GRK4: variants seen among roughly 807,000 people sequenced by gnomAD.
GRK4 encodes the protein G protein-coupled receptor kinase 4.
Under a neutral mutation model 77.9 loss-of-function variants are expected in GRK4, and 73 were observed. That is an observed-to-expected ratio of 0.94 (90% CI 0.78 to 1.14). The LOEUF (loss-of-function observed/expected upper bound fraction) is 1.14, where lower values mean the gene tolerates loss of function less well. GRK4 is among the 50% of genes most tolerant of loss of function. The pLI, the probability that GRK4 is intolerant of heterozygous loss-of-function variation, is 0.00. For missense variants in GRK4, 729 were observed against 700.2 expected (o/e 1.04, Z -0.46); for synonymous variants, 257 against 254.4 (o/e 1.01, Z -0.10).
intron 12 of GRK4, among the ~76,000 whole-genome samples, chr4:3,031,861 T>G (rs1007707739): frequency 6.6e-6 from 1 of 152,168 alleles, no homozygotes; most frequent in African/African-American, 2.4e-5. Context: ...CATAGGCCCC[T>G]GCCTGGGTGT....
At chr4:3,004,360 A>T in intron 5 of GRK4, 26 bp downstream of exon 5, 2 of 1,427,984 alleles carry the variant, frequency 1.4e-6, no homozygotes, top group Non-Finnish European at 2.0e-6. Flanking sequence ...TGAGCCCTGC[A>T]TATATTATCT....
chr4:3,024,430 G>A (rs910933414), intron 10 of GRK4, among the ~76,000 whole-genome samples: 2 of 152,012 alleles, frequency 1.3e-5, no homozygotes, highest in African/African-American at 2.4e-5. Context: ...ATCCAGCAGC[G>A]ATTAAGGATA....
At chr4:3,007,661 T>C (rs1471663726) in intron 5 of GRK4, 75 bp from the exon 6 acceptor site, 2 of 839,260 alleles carry the variant, frequency 2.4e-6, no homozygotes, top group Admixed American at 2.7e-5. Flanking sequence ...TCAGTGCCTA[T>C]TAATGCACTA....
At chr4:2,971,959 A>T (rs992545331) in intron 1 of GRK4, among the ~76,000 whole-genome samples, 13 of 152,146 alleles carry the variant, frequency 8.5e-5, no homozygotes, top group African/African-American at 2.9e-4. Flanking sequence ...TTTTAACTTA[A>T]TTGTCTCTAT....
At chr4:2,979,364 A>C (rs2109500703) in intron 1 of GRK4, among the ~76,000 whole-genome samples, 1 of 143,782 alleles carries the variant, frequency 7.0e-6, no homozygotes, top group East Asian at 2.0e-4. Context: ...AGATGGTGCC[A>C]CTGCACTCCA....
intron 12 of GRK4, among the ~76,000 whole-genome samples, chr4:3,033,747 C>T (rs1054074217): frequency 1.3e-5 from 2 of 152,066 alleles, no homozygotes; most frequent in East Asian, 1.9e-4. Flanking sequence ...CCACCACGTC[C>T]GGCTAATTTT....
intron 1 of GRK4, among the ~76,000 whole-genome samples, chr4:2,983,641 G>T (rs1252918336): frequency 1.3e-5 from 2 of 151,848 alleles, no homozygotes; most frequent in East Asian, 3.9e-4. Flanking sequence ...CCTTTACCCT[G>T]CTTGATTTTG....
intron 8 of GRK4, among the ~76,000 whole-genome samples, chr4:3,016,075 A>AT (rs1227444536): frequency 6.7e-6 from 1 of 149,072 alleles, no homozygotes; most frequent in African/African-American, 2.5e-5. Context: ...CACCCAGCTA[A>AT]TTTTTTGTAT....
chr4:2,998,740 G>A (rs1728699128), intron 4 of GRK4, among the ~76,000 whole-genome samples: 1 of 152,100 alleles, frequency 6.6e-6, no homozygotes, highest in Non-Finnish European at 1.5e-5. Context: ...GACATCTCCT[G>A]TTCGTGGATC....
chr4:3,013,202 C>T (rs932631485), intron 7 of GRK4, among the ~76,000 whole-genome samples: 2 of 151,658 alleles, frequency 1.3e-5, no homozygotes, highest in Non-Finnish European at 2.9e-5. Flanking sequence ...CGCCACCATG[C>T]CTAGTTAATT....
At chr4:3,036,930 T>G (rs953342884) in intron 13 of GRK4, among the ~76,000 whole-genome samples, 1 of 152,202 alleles carries the variant, frequency 6.6e-6, no homozygotes, top group African/African-American at 2.4e-5. Flanking sequence ...TTCACACTTC[T>G]CCGGTTCTGT....
In GRK4 at chr4:3,038,523, C is replaced by T. The variant is rs1741482761; in HGVS notation, c.1683+10C>T. 6.3e-7 allele frequency: 1 copy of T among 1,595,692 alleles called. No individual in the cohort carries two copies. ...ACTCTTCAGAAGAGGGGTAAAAAGACTTAAAAACTAATATATGTGTGTGTA... is the reference window on the plus strand; with the variant it reads ...ACTCTTCAGAAGAGGGGTAAAAAGATTTAAAAACTAATATATGTGTGTGTA... On this transcript the variant is annotated intron_variant, in intron 15 of 15. Transcript: ENST00000398052.
intron 10 of GRK4, 64 bp from the exon 11 acceptor site, chr4:3,027,848 T>C (rs551562752): frequency 7.3e-7 from 1 of 1,372,392 alleles, no homozygotes; most frequent in Non-Finnish European, 1.0e-6. Context: ...TTTCCCATTT[T>C]AATTGTTGTT....
At chr4:3,005,748 G>A (rs73084109) in intron 5 of GRK4, among the ~76,000 whole-genome samples, 3 of 152,124 alleles carry the variant, frequency 2.0e-5, no homozygotes, top group East Asian at 1.9e-4. Flanking sequence ...AGGCTGCAAT[G>A]AGCCTCCCCT....
intron 1 of GRK4, among the ~76,000 whole-genome samples, chr4:2,972,525 C>T (rs1014613356): frequency 4.0e-5 from 6 of 149,426 alleles, no homozygotes; most frequent in South Asian, 2.1e-4. Context: ...CCCAAACCTG[C>T]GGGGGGGGGC....
At chr4:3,013,201 G>A (rs1411929209) in intron 7 of GRK4, among the ~76,000 whole-genome samples, 2 of 151,598 alleles carry the variant, frequency 1.3e-5, no homozygotes, top group African/African-American at 2.4e-5. Flanking sequence ...CCGCCACCAT[G>A]CCTAGTTAAT....
At chr4:2,988,639 A>G (rs560937829) in intron 2 of GRK4, 88 bp from the exon 3 acceptor site, 93 of 716,466 alleles carry the variant, frequency 1.3e-4, no homozygotes, top group South Asian at 1.2e-3. Flanking sequence ...CTTTTACTGT[A>G]TCGAGTGAGA....
In GRK4 at chr4:3,009,711, G is replaced by A. The variant is rs769114181; in HGVS notation, c.600G>A (p.Glu200=). Residue 200 remains glutamate (E), a splice_region_variant and synonymous_variant, in exon 7 of 16, where the codon GAG becomes GAA. Coordinates refer to ENST00000398052, the MANE Select transcript of GRK4 (RefSeq NM_182982.3). ...TTCTAGGAAAAGGCGGATTTGGAGA[G>A]GTGAGTAACGGGAGCCAGTTCATAG... ...YRVLGKGGFG[E]VCACQVRATG... 4 of 1,612,690 alleles carry A rather than the reference G, an allele frequency of 2.5e-6. No homozygotes were observed. The South Asian group carries it at 4.4e-5, about 18-fold the overall frequency.
At chr4:3,018,080 T>TC (rs1560467227) in intron 8 of GRK4, among the ~76,000 whole-genome samples, 1 of 151,480 alleles carries the variant, frequency 6.6e-6, no homozygotes, top group East Asian at 1.9e-4. Flanking sequence ...TTTTCTTTTT[T>TC]TTTTTTTTAG....
Sources: allele counts gnomAD v4.1 joint callset (sites outside exome capture counted in the v4.1 genomes callset), GRCh38; gene constraint gnomAD v4.1.1; transcripts MANE v1.5; gene names NCBI Gene and HGNC (gene_info 2026-07-23, HGNC 2026-07-21).